The following ROCK1 variants were observed in gnomAD, a reference collection of about 807,000 sequenced individuals.
The protein encoded by ROCK1 is Rho associated coiled-coil containing protein kinase 1, also known as rho-associated protein kinase 1.
ROCK1 carries 36 observed loss-of-function variants against 196.8 expected under a neutral mutation model. The observed-to-expected ratio is 0.18, with a 90% CI of 0.14 to 0.24. The LOEUF is 0.24. Among genes scored for constraint, ROCK1 ranks in the 10% least tolerant of loss-of-function variants. ROCK1 has a pLI of 1.00. For synonymous variants in ROCK1, 443 were observed against 515.9 expected (o/e 0.86, Z 1.91); for missense variants, 920 against 1,562.0 (o/e 0.59, Z 6.93).
chr18:21,066,060 A>G (rs757759303), intron 2 of ROCK1, among the ~76,000 whole-genome samples: 9 of 152,148 alleles, frequency 5.9e-5, no homozygotes, highest in Non-Finnish European at 1.3e-4. Context: ...AGCAATTAGA[A>G]ACAAAACAAA....
chr18:21,078,667 T>C (rs576233695), intron 1 of ROCK1, among the ~76,000 whole-genome samples: 1 of 152,226 alleles, frequency 6.6e-6, no homozygotes, highest in East Asian at 1.9e-4. Flanking sequence ...AGGGTCAAGG[T>C]GGCTTTGTCT....
chr18:20,969,535 G>A (rs1435738457), intron 23 of ROCK1, among the ~76,000 whole-genome samples: 1 of 152,124 alleles, frequency 6.6e-6, no homozygotes, highest in Non-Finnish European at 1.5e-5. Flanking sequence ...CCCCGAGCAA[G>A]TCATACTTTT....
Position 20,972,828 on chromosome 18 carries a change from T to C in ROCK1, c.2655-2315A>G, listed in dbSNP as rs58778105. On this transcript the variant is annotated intron_variant, in intron 22 of 32. Transcript: ENST00000399799. ...CGGTGGAAGATACCTGGTATGTCAC[T>C]TTTCAAGTAAGTTGGCTATAAAAAA... Among the ~76,000 whole-genome samples, 44 of 152,320 alleles carry C rather than the reference T, an allele frequency of 2.9e-4. 1 individual carries two copies. In the East Asian group the frequency reaches 8.5e-3, roughly 29 times the overall value.
intron 1 of ROCK1, among the ~76,000 whole-genome samples, chr18:21,082,343 G>A (rs2036489386): frequency 6.6e-6 from 1 of 152,114 alleles, no homozygotes; most frequent in Non-Finnish European, 1.5e-5. Flanking sequence ...TATGAGTGCA[G>A]CACTGCCCTG....
At chr18:21,050,175 A>G (rs2036192552) in intron 2 of ROCK1, among the ~76,000 whole-genome samples, 1 of 152,160 alleles carries the variant, frequency 6.6e-6, no homozygotes, top group African/African-American at 2.4e-5. Context: ...AAAAGCTGAA[A>G]ATAATTAGCT....
intron 2 of ROCK1, among the ~76,000 whole-genome samples, chr18:21,063,617 C>T (rs1412199680): frequency 6.6e-6 from 1 of 152,052 alleles, no homozygotes; most frequent in African/African-American, 2.4e-5. Flanking sequence ...TTTAGAAAAT[C>T]CACCAAAAAG....
At chr18:21,079,437 T>A (rs1397585946) in intron 1 of ROCK1, among the ~76,000 whole-genome samples, 1 of 152,232 alleles carries the variant, frequency 6.6e-6, no homozygotes, top group Non-Finnish European at 1.5e-5. Flanking sequence ...AATTTCTATA[T>A]ACCTATCAGG....
rs1156478381 is a variant in ROCK1, at chr18:20,980,058, T to C, written c.2560-54A>G. On this transcript the variant is annotated intron_variant, in intron 21 of 32. Transcript: ENST00000399799. The stretch of plus-strand genomic sequence containing the variant: ...GTGTTTATGGTGGGTTAAAAACAAT[T>C]TGGCAGTTTCTTATAAATTTAAAAA... The C allele has an allele frequency of 2.1e-6, 3 of 1,446,440 alleles. No homozygotes were observed. The Admixed American group carries it at 9.8e-5, about 47-fold the overall frequency. The allele number at this position is 1,446,440 out of a possible 1,614,324, so 89.6% of individuals were successfully genotyped here. A position where few individuals can be genotyped will look rare whatever the true frequency, so the allele number is the denominator to read the frequency against.
Position 21,049,859 on chromosome 18 carries a change from A to G in ROCK1, c.197T>C (p.Ile66Thr). The change falls in exon 3 of 33, where the codon ATC (isoleucine) becomes ACC (threonine). Residue 66 changes from isoleucine (I) to threonine (T), a missense_variant. Around this residue, in one of 6 missense-constraint regions of ROCK1, gnomAD observed 234 missense variants for 460.7 expected, o/e 0.51. Transcript: ENST00000399799. ...TTCAGCTTTCATTCGTAAATCTCTG[A>G]TTTTATTTATTGTGTCTTTATCTGT... ...LSRYKDTINK[I>T]RDLRMKAEDY... The G allele has an allele frequency of 1.3e-6, 2 of 1,598,434 alleles. No individual in the cohort carries two copies. Among genetic ancestry groups the G allele is most frequent in the Admixed American group, 1.7e-5 (1 of 58,710 alleles).
chr18:20,974,074 T>C lies in ROCK1; in HGVS notation c.2655-3561A>G, dbSNP rs149831745. Among the ~76,000 whole-genome samples, 36 of 152,302 alleles carry C rather than the reference T, an allele frequency of 2.4e-4. No individual in the cohort carries two copies. The East Asian group carries it at 6.2e-3, about 26-fold the overall frequency. Reference sequence around the variant, plus strand: ...CGTGAGCCACCGTGCCCAGCAATATTTGGCACTTTTAATCACTTTCTCTTT... The same window carrying C: ...CGTGAGCCACCGTGCCCAGCAATATCTGGCACTTTTAATCACTTTCTCTTT... On this transcript the variant is annotated intron_variant, in intron 22 of 32. Transcript: ENST00000399799.
intron 13 of ROCK1, among the ~76,000 whole-genome samples, chr18:21,010,466 T>C (rs2035807261): frequency 6.6e-6 from 1 of 152,232 alleles, no homozygotes; most frequent in Admixed American, 6.5e-5. Context: ...AACATTCCAA[T>C]GTATTTTTTT....
At chr18:21,095,696 G>T (rs1433149857) in intron 1 of ROCK1, among the ~76,000 whole-genome samples, 1 of 150,562 alleles carries the variant, frequency 6.6e-6, no homozygotes, top group African/African-American at 2.4e-5. Context: ...GGTAGTAGGG[G>T]AGAAAGGGAC....
intron 12 of ROCK1, among the ~76,000 whole-genome samples, chr18:21,018,401 G>A (rs1598530209): frequency 6.6e-6 from 1 of 151,838 alleles, no homozygotes; most frequent in Non-Finnish European, 1.5e-5. Flanking sequence ...GTGGTGGCAG[G>A]AGCCTGTAAT....
chr18:21,104,080 T>A (rs1000931968), intron 1 of ROCK1, among the ~76,000 whole-genome samples: 1 of 152,186 alleles, frequency 6.6e-6, no homozygotes, highest in Non-Finnish European at 1.5e-5. Context: ...GTAGAGCTAT[T>A]GGATTATCTT....
Position 21,006,219 on chromosome 18 carries a change from C to T in ROCK1, c.1885+132G>A, listed in dbSNP as rs1339119247. ...CAAAAGGACAAACACTGTATGATTC[C>T]ACTTATATGATGATGGTTGCATACA... On this transcript the variant is annotated intron_variant, in intron 16 of 32. Transcript: ENST00000399799. 10 of 694,280 alleles carry T rather than the reference C, an allele frequency of 1.4e-5. No individual in the cohort carries two copies. In the East Asian group the frequency reaches 2.2e-4, roughly 15 times the overall value. The allele number at this position is 694,280 out of a possible 1,614,324, so 43.0% of individuals were successfully genotyped here. A position where few individuals can be genotyped will look rare whatever the true frequency, so the allele number is the denominator to read the frequency against.
chr18:20,975,730 C>A (rs1457842967), intron 22 of ROCK1, among the ~76,000 whole-genome samples: 1 of 152,198 alleles, frequency 6.6e-6, no homozygotes, highest in African/African-American at 2.4e-5. Context: ...CCTGCCTCAG[C>A]CTCCCGAGTA....
At chr18:21,007,204 T>G (rs2035775872) in intron 14 of ROCK1, among the ~76,000 whole-genome samples, 1 of 152,122 alleles carries the variant, frequency 6.6e-6, no homozygotes, top group Non-Finnish European at 1.5e-5. Context: ...ATTTAGTCAT[T>G]TTTGCCCCTT....
At chr18:21,007,383 CCACATAG>C (rs1405365644) in intron 14 of ROCK1, among the ~76,000 whole-genome samples, 1 of 152,114 alleles carries the variant, frequency 6.6e-6, no homozygotes, top group African/African-American at 2.4e-5. Flanking sequence ...TTTTTATAAG[CCACATAG>C]TATTCTACCA....
intron 27 of ROCK1, among the ~76,000 whole-genome samples, chr18:20,966,507 T>G (rs1478838280): frequency 6.6e-6 from 1 of 152,178 alleles, no homozygotes; most frequent in Non-Finnish European, 1.5e-5. Context: ...GCTGCTGTGG[T>G]TCTGATGATA....
Sources: gnomAD v4.1 joint callset for allele counts (sites outside exome capture counted in the v4.1 genomes callset) on GRCh38, gnomAD v4.1.1 for gene constraint, gnomAD v4.1.1 regional missense constraint, MANE v1.5 for transcripts, NCBI Gene and HGNC (gene_info 2026-07-23, HGNC 2026-07-21) for gene names.